GFM2: variants seen among roughly 807,000 people sequenced by gnomAD.
GFM2 encodes the protein GTP dependent ribosome recycling factor mitochondrial 2.
A neutral mutation model predicts 95.4 loss-of-function variants in GFM2; 72 were observed. The ratio of observed to expected loss-of-function variants is 0.76; its 90% CI spans 0.62 to 0.92. The LOEUF is 0.92. GFM2 is among the 40% of genes least tolerant of loss of function. GFM2 has a pLI of 0.00. For missense variants in GFM2, 825 were observed against 924.1 expected, an observed-to-expected ratio of 0.89 and a Z score of 1.39; for synonymous variants, 276 against 317.5, an observed-to-expected ratio of 0.87 and a Z score of 1.39.
intron 11 of GFM2, among the ~76,000 whole-genome samples, chr5:74,741,199 T>C (rs532104462): frequency 2.6e-5 from 4 of 152,148 alleles, no homozygotes; most frequent in Non-Finnish European, 5.9e-5. Context: ...TAAATTTTAA[T>C]ATAAACTTTC....
In GFM2 at chr5:74,738,533, A is replaced by G. The variant is rs1742948367; in HGVS notation, c.1189T>C (p.Leu397=). ...RIYSGTIKPQ[L]AIHNINGNCT... ...TTTCCATTAATATTATGAATGGCCAACTGGGGTTTTATAGTGCCTGAGTAA... is the reference window on the plus strand; with the variant it reads ...TTTCCATTAATATTATGAATGGCCAGCTGGGGTTTTATAGTGCCTGAGTAA... The change falls in exon 13 of 21, where the codon TTG becomes CTG. Residue 397 remains leucine (L), a synonymous_variant. Transcript: ENST00000296805. 6.2e-7 allele frequency: 1 copy of G among 1,613,476 alleles called. No individual in the cohort carries two copies. The highest frequency in any genetic ancestry group is 1.1e-5 in the South Asian group (1 of 90,984).
intron 12 of GFM2, among the ~76,000 whole-genome samples, chr5:74,739,424 T>G (rs574486925): frequency 2.0e-5 from 3 of 152,256 alleles, no homozygotes; most frequent in South Asian, 2.1e-4. Context: ...AAAGCTAGGA[T>G]TTAAATCCAA....
chr5:74,744,625 C>G (rs1217552530), intron 10 of GFM2, among the ~76,000 whole-genome samples: 1 of 152,118 alleles, frequency 6.6e-6, no homozygotes, highest in Non-Finnish European at 1.5e-5. Flanking sequence ...TATATACCAA[C>G]TATAAAATTG....
intron 5 of GFM2, among the ~76,000 whole-genome samples, chr5:74,757,221 A>C (rs1744031427): frequency 6.6e-6 from 1 of 152,208 alleles, no homozygotes. Flanking sequence ...GTGTGTGTAT[A>C]TAAAAGAGAG....
chr5:74,729,192 G>C (rs1750299770), intron 17 of GFM2, among the ~76,000 whole-genome samples: 1 of 152,128 alleles, frequency 6.6e-6, no homozygotes, highest in Non-Finnish European at 1.5e-5. Flanking sequence ...AGGGCACACT[G>C]GTTCTATGAA....
At chr5:74,754,019 G>C (rs1743849183) in intron 5 of GFM2, among the ~76,000 whole-genome samples, 1 of 152,142 alleles carries the variant, frequency 6.6e-6, no homozygotes, top group Non-Finnish European at 1.5e-5. Context: ...AGACTTCTTA[G>C]CAGAAACCCT....
At chr5:74,740,942 TAAAG>T (rs899602833) in intron 11 of GFM2, among the ~76,000 whole-genome samples, 2 of 152,120 alleles carry the variant, frequency 1.3e-5, no homozygotes, top group African/African-American at 4.8e-5. Flanking sequence ...TTACGTTTCA[TAAAG>T]AAAAATAAAC....
intron 7 of GFM2, among the ~76,000 whole-genome samples, chr5:74,748,937 A>T (rs1743549384): frequency 6.8e-6 from 1 of 146,598 alleles, no homozygotes; most frequent in Admixed American, 6.8e-5. Context: ...TAAAAAAAAT[A>T]AAAAATAAAA....
chr5:74,722,985 ATCTTT>A (rs1169002674), intron 19 of GFM2, among the ~76,000 whole-genome samples: 3 of 152,216 alleles, frequency 2.0e-5, no homozygotes, highest in Non-Finnish European at 2.9e-5. Context: ...ATTATGTAAA[ATCTTT>A]TCTTATTTAG....
At chr5:74,730,171 A>G in intron 17 of GFM2, 89 bp downstream of exon 17, 3 of 1,225,622 alleles carry the variant, frequency 2.4e-6, no homozygotes, top group Non-Finnish European at 3.3e-6. Context: ...AGAAGACATT[A>G]GTGACTATGA....
At chr5:74,764,016 T>C (rs1003450092) in intron 1 of GFM2, among the ~76,000 whole-genome samples, 3 of 152,326 alleles carry the variant, frequency 2.0e-5, no homozygotes, top group African/African-American at 2.4e-5. Context: ...AAGAAAGATA[T>C]GGCGATACAG....
At chr5:74,723,448 TTGACTTCCTTTTCCCCAAGTAAGC>T (rs1219095068) in intron 19 of GFM2, among the ~76,000 whole-genome samples, 2 of 152,224 alleles carry the variant, frequency 1.3e-5, no homozygotes, top group African/African-American at 4.8e-5. Flanking sequence ...CAGTTCACCT[TTGACTTCCTTTTCCCCAAGTAAGC>T]TGTAAGATTT....
At chr5:74,749,939 C>T (rs903732916) in intron 7 of GFM2, among the ~76,000 whole-genome samples, 1 of 152,096 alleles carries the variant, frequency 6.6e-6, no homozygotes, top group African/African-American at 2.4e-5. Flanking sequence ...GTGATCCACT[C>T]CAAATTAATT....
intron 7 of GFM2, among the ~76,000 whole-genome samples, chr5:74,749,144 G>C (rs1743564102): frequency 6.6e-6 from 1 of 151,582 alleles, no homozygotes. Flanking sequence ...CTCTGGAGTA[G>C]CTGGGATGAC....
chr5:74,725,967 T>G lies in GFM2; in HGVS notation c.1886A>C (p.Asn629Thr), dbSNP rs766242615. 6.2e-7 allele frequency: 1 copy of G among 1,611,224 alleles called. No homozygotes were observed. Among genetic ancestry groups the G allele is most frequent in the Non-Finnish European group, 8.5e-7 (1 of 1,179,160 alleles). ...LLKVSQEAIE[N>T]GIHSACLQGP... ...TTGGAGACATGCGCTGTGAATTCCA[T>G]TTTCAATGGCCTCTTGGGAGACCTT... The change falls in exon 18 of 21, where the codon AAT (asparagine) becomes ACT (threonine). Residue 629 changes from asparagine to threonine, a missense_variant. Physicochemically the swap from Asn to Thr is moderately conservative, Grantham distance 65. Coordinates refer to ENST00000296805, the MANE Select transcript of GFM2 (RefSeq NM_032380.5).
intron 16 of GFM2, 133 bp downstream of exon 16, chr5:74,732,885 AAAAG>A: frequency 2.2e-6 from 1 of 462,060 alleles, no homozygotes; most frequent in South Asian, 5.1e-5. Context: ...AGAGAATTTA[AAAAG>A]AAAGGTTTTT....
Position 74,746,156 on chromosome 5 carries a change from ATACT to A in GFM2, c.614_617del (p.Lys205MetfsTer10). ...ACTTCTCTCTGATGCTTTCAACTGC[ATACT>A]TAAAGCTGTAGAAAGCAAAATAATT... On this transcript the variant is annotated frameshift_variant, in exon 9 of 21. Coordinates refer to ENST00000296805, the MANE Select transcript of GFM2 (RefSeq NM_032380.5). LOFTEE classifies it high-confidence loss of function. 1 of 1,531,874 alleles carries A rather than the reference ATACT, an allele frequency of 6.5e-7. No homozygotes were observed. The highest frequency in any genetic ancestry group is 1.3e-5 in the South Asian group (1 of 75,842). 94.9% of individuals were successfully genotyped at this position (1,531,874 alleles called of 1,614,324 possible).
At chr5:74,735,777 G>T (rs1459171103) in intron 15 of GFM2, among the ~76,000 whole-genome samples, 1 of 152,126 alleles carries the variant, frequency 6.6e-6, no homozygotes, top group Non-Finnish European at 1.5e-5. Context: ...ATTCTAATTT[G>T]GGTTAAAGAA....
rs768241825 is a variant in GFM2, at chr5:74,725,699, T to C, written c.1969A>G (p.Ile657Val). ...ATAGTTGTGGAGGTGCCAGGATGAA[T>C]TGTCAGGGAATGTAAAGTAATTGCT... ...DVAITLHSLT[I>V]HPGTSTTMIS... The change falls in exon 19 of 21, where the codon ATT becomes GTT. Residue 657 changes from isoleucine to valine, a missense_variant. Coordinates refer to ENST00000296805, the MANE Select transcript of GFM2 (RefSeq NM_032380.5). 9.9e-6 allele frequency: 16 copies of C among 1,613,944 alleles called. No homozygotes were observed. The highest frequency in any genetic ancestry group is 4.5e-5 in the East Asian group (2 of 44,866).
Sources: allele counts gnomAD v4.1 joint callset (sites outside exome capture counted in the v4.1 genomes callset), GRCh38; gene constraint gnomAD v4.1.1; transcripts MANE v1.5; gene names NCBI Gene and HGNC (gene_info 2026-07-23, HGNC 2026-07-21).